Variants in SRPK1 observed in about 807,000 individuals in gnomAD.
SRPK1 encodes the protein SFRS protein kinase 1.
In SRPK1, 52 loss-of-function variants were observed where a neutral mutation model predicts 89.5. The observed-to-expected ratio is 0.58, with a 90% CI of 0.46 to 0.73. SRPK1 has a LOEUF of 0.73. Among genes scored for constraint, SRPK1 ranks in the 30% least tolerant of loss-of-function variants. The probability of loss-of-function intolerance (pLI) is 0.00; values close to 1 mark genes in which losing one functional copy is unlikely to be tolerated. For synonymous variants in SRPK1, 255 were observed against 270.2 expected (o/e 0.94, Z 0.55); for missense variants, 603 against 780.6 (o/e 0.77, Z 2.71).
At chr6:35,851,271 T>C (rs569255107) in intron 13 of SRPK1, among the ~76,000 whole-genome samples, 1 of 151,916 alleles carries the variant, frequency 6.6e-6, no homozygotes, top group Admixed American at 6.6e-5. Flanking sequence ...GCCTCCTGGG[T>C]TCTAGCGATT....
At chr6:35,886,610 T>C in intron 6 of SRPK1, 114 bp downstream of exon 6, 1 of 693,376 alleles carries the variant, frequency 1.4e-6, no homozygotes, top group East Asian at 2.7e-5. Flanking sequence ...ATAAAAGAGG[T>C]AATTTTATTA....
chr6:35,905,684 T>C (rs975691570), intron 2 of SRPK1, among the ~76,000 whole-genome samples: 1 of 152,218 alleles, frequency 6.6e-6, no homozygotes, highest in Non-Finnish European at 1.5e-5. Flanking sequence ...TTAGTAATCA[T>C]ATTGTTGGGG....
intron 2 of SRPK1, among the ~76,000 whole-genome samples, chr6:35,917,006 G>A (rs1771118368): frequency 6.6e-6 from 1 of 152,198 alleles, no homozygotes; most frequent in African/African-American, 2.4e-5. Context: ...GTTGCAGTGA[G>A]CTGAGAATGC....
rs369141435 is a variant in SRPK1, at chr6:35,892,692, C to CAA, written c.75-1681_75-1680dup. ...ACAACAACAACAACAACAACAACGA[C>CAA]AACAACACAAAACAAAACAAAACAA... On this transcript the variant is annotated intron_variant, in intron 2 of 15. Transcript: ENST00000373825. Among the ~76,000 whole-genome samples the CAA allele has an allele frequency of 4.2e-5, 6 of 142,246 alleles. No homozygotes were observed. The East Asian group carries it at 9.8e-4, about 23-fold the overall frequency. 93.3% of individuals were successfully genotyped at this position (142,246 alleles called of 152,430 possible).
intron 6 of SRPK1, among the ~76,000 whole-genome samples, chr6:35,876,103 A>AAAAAAAAC (rs1770152947): frequency 1.3e-5 from 2 of 151,432 alleles, no homozygotes; most frequent in Admixed American, 6.6e-5. Flanking sequence ...AAAAAAAAAA[A>AAAAAAAAC]AAAAGGCAAT....
intron 2 of SRPK1, 141 bp from the exon 3 acceptor site, chr6:35,891,154 G>T: frequency 1.0e-6 from 1 of 968,582 alleles, no homozygotes; most frequent in Non-Finnish European, 1.4e-6. Context: ...GAAAATATTA[G>T]CTGTAGTTTT....
intron 12 of SRPK1, among the ~76,000 whole-genome samples, chr6:35,868,226 C>T (rs532251225): frequency 2.6e-3 from 390 of 152,130 alleles, no homozygotes; most frequent in Non-Finnish European, 3.6e-3. Flanking sequence ...TCATGTGATC[C>T]GCCAGCCTCC....
chr6:35,914,197 G>A (rs187470825), intron 2 of SRPK1, among the ~76,000 whole-genome samples: 55 of 151,750 alleles, frequency 3.6e-4, no homozygotes, highest in African/African-American at 1.3e-3. Context: ...GGCTGGTCTC[G>A]AACTCCCGAC....
chr6:35,890,824 GATCAA>G (rs1770502787), intron 3 of SRPK1, 66 bp downstream of exon 3: 1 of 1,374,916 alleles, frequency 7.3e-7, no homozygotes, highest in Admixed American at 2.5e-5. Flanking sequence ...TATGCTGATA[GATCAA>G]ACATCCAAAC....
intron 13 of SRPK1, among the ~76,000 whole-genome samples, chr6:35,850,462 C>A (rs1209944819): frequency 1.3e-5 from 2 of 152,112 alleles, no homozygotes; most frequent in African/African-American, 4.8e-5. Context: ...TTACAATAGC[C>A]ACAGATCAAA....
At chr6:35,882,157 GTA>G (rs1491142700) in intron 6 of SRPK1, among the ~76,000 whole-genome samples, 2 of 146,236 alleles carry the variant, frequency 1.4e-5, no homozygotes, top group African/African-American at 5.0e-5. Context: ...AGTAGTAGTA[GTA>G]GTAGCAGCAG....
chr6:35,890,546 A>G (rs749909882), intron 3 of SRPK1, among the ~76,000 whole-genome samples: 37 of 152,222 alleles, frequency 2.4e-4, no homozygotes, highest in Non-Finnish European at 4.9e-4. Flanking sequence ...AAAAGTGGTA[A>G]GAAGGTATTT....
At chr6:35,866,042 A>C (rs1769894598) in intron 12 of SRPK1, among the ~76,000 whole-genome samples, 1 of 152,208 alleles carries the variant, frequency 6.6e-6, no homozygotes, top group Non-Finnish European at 1.5e-5. Context: ...AATCCCATTA[A>C]AAGGTAGACT....
chr6:35,901,939 T>C (rs1300855824), intron 2 of SRPK1, among the ~76,000 whole-genome samples: 1 of 152,140 alleles, frequency 6.6e-6, no homozygotes, highest in Non-Finnish European at 1.5e-5. Context: ...AATAAAAATC[T>C]GAGTGCCTAA....
At chr6:35,852,925 C>A (rs1769585037) in intron 13 of SRPK1, among the ~76,000 whole-genome samples, 2 of 152,062 alleles carry the variant, frequency 1.3e-5, no homozygotes, top group Non-Finnish European at 2.9e-5. Flanking sequence ...TCAGAAACAG[C>A]AACAACAACA....
chr6:35,869,761 C>T lies in SRPK1; in HGVS notation c.1132G>A (p.Glu378Lys). The change falls in exon 11 of 16, where the codon GAG becomes AAG. Residue 378 changes from glutamate to lysine, a missense_variant. Glu to Lys is a moderately conservative substitution (Grantham distance 56, BLOSUM62 1). Transcript: ENST00000373825. The part of the protein sequence containing the change: ...NSNNETLRHK[E>K]DLHNANDCDV... ...CAGTCATTAGCATTATGTAGATCCTCTTTATGTCTCAATGTTTCATTATTA... is the reference window on the plus strand; with the variant it reads ...CAGTCATTAGCATTATGTAGATCCTTTTTATGTCTCAATGTTTCATTATTA... 6.2e-7 allele frequency: 1 copy of T among 1,613,908 alleles called. No individual in the cohort carries two copies. Among genetic ancestry groups the T allele is most frequent in the Non-Finnish European group, 8.5e-7 (1 of 1,179,830 alleles).
At chr6:35,900,831 G>T (rs1770725815) in intron 2 of SRPK1, among the ~76,000 whole-genome samples, 1 of 152,094 alleles carries the variant, frequency 6.6e-6, no homozygotes, top group South Asian at 2.1e-4. Context: ...TATGTTTGGG[G>T]TTTTAGAAAT....
At chr6:35,837,147 A>C (rs1298027859) in intron 15 of SRPK1, among the ~76,000 whole-genome samples, 9 of 152,190 alleles carry the variant, frequency 5.9e-5, no homozygotes. Flanking sequence ...TCAAGTCAAA[A>C]ATTGGAAGTT....
At chr6:35,906,471 G>A (rs553276050) in intron 2 of SRPK1, among the ~76,000 whole-genome samples, 2 of 152,120 alleles carry the variant, frequency 1.3e-5, no homozygotes, top group Non-Finnish European at 2.9e-5. Context: ...ACGATCCACC[G>A]GCCTTGGCCT....
Sources: gnomAD v4.1 joint callset for allele counts (sites outside exome capture counted in the v4.1 genomes callset) on GRCh38, gnomAD v4.1.1 for gene constraint, MANE v1.5 for transcripts, NCBI Gene and HGNC (gene_info 2026-07-23, HGNC 2026-07-21) for gene names.